Variants in GLTP observed in about 807,000 individuals in gnomAD.
GLTP encodes glycolipid transfer protein.
GLTP carries 22 observed loss-of-function variants against 24.0 expected under a neutral mutation model. The observed-to-expected ratio is 0.92, with a 90% CI of 0.65 to 1.31. GLTP has a LOEUF of 1.31. Ranked by LOEUF, GLTP falls within the 50% of genes most tolerant of loss-of-function variation. The pLI, the probability that GLTP is intolerant of heterozygous loss-of-function variation, is 0.00. For missense variants in GLTP, 224 were observed against 276.6 expected (o/e 0.81, Z 1.35); for synonymous variants, 92 against 115.9 (o/e 0.79, Z 1.33).
At chr12:109,872,412 C>A (rs556279323) in intron 1 of GLTP, among the ~76,000 whole-genome samples, 1 of 152,314 alleles carries the variant, frequency 6.6e-6, no homozygotes, top group East Asian at 1.9e-4. Context: ...TTTCCTTCCA[C>A]TCATCTGTCC....
At position 109,867,294 on chromosome 12, in the gene GLTP, G is replaced by A. The variant is rs1458429022; in HGVS notation, c.104-8553C>T. On this transcript the variant is annotated intron_variant, in intron 1 of 4. Coordinates refer to ENST00000318348, the MANE Select transcript of GLTP (RefSeq NM_016433.4). ...CTCCCGAGTAGCTGGGACTACAGGC[G>A]CACGCCACCATGCCAGGCCAATTTT... Among the ~76,000 whole-genome samples the A allele has an allele frequency of 4.6e-5, 7 of 151,826 alleles. No homozygotes were observed. The East Asian group carries it at 1.2e-3, about 25-fold the overall frequency.
In GLTP at chr12:109,855,806, G is replaced by T; in HGVS notation, c.297-37C>A. The T allele has an allele frequency of 6.6e-7, 1 of 1,514,020 alleles. No homozygotes were observed. The highest frequency in any genetic ancestry group is 8.9e-7 in the Non-Finnish European group (1 of 1,129,022). The allele number at this position is 1,514,020 out of a possible 1,614,324, so 93.8% of individuals were successfully genotyped here. On this transcript the variant is annotated intron_variant, in intron 3 of 4. Coordinates refer to ENST00000318348, the MANE Select transcript of GLTP (RefSeq NM_016433.4). The surrounding 1 kb of genome is among the most constrained non-coding windows in gnomAD (Gnocchi z 4.1). ...GGAGGAGAAGGTTCGTTAGGACCCT[G>T]CACAGCCCTGTCGTGAAAGACCCTG...
rs1332541557 is a variant in GLTP at position 109,858,736 on chromosome 12, G to A, written c.109C>T (p.Leu37Phe). The A allele has an allele frequency of 6.2e-7, 1 of 1,606,990 alleles. No homozygotes were observed. The highest frequency in any genetic ancestry group is 1.7e-5 in the Admixed American group (1 of 60,014). ...VSHLPPFFDCLGSPVFTPIKA... is the reference protein window; with the variant it reads ...VSHLPPFFDCFGSPVFTPIKA... The stretch of plus-strand genomic sequence containing the variant: ...ATGGGAGTAAACACTGGGGACCCAA[G>A]GCAATCTGGGGACAAAATGAGAAGA... The change falls in exon 2 of 5, where the codon CTT becomes TTT. Residue 37 changes from leucine (L) to phenylalanine (F), a missense_variant. Coordinates refer to ENST00000318348, the MANE Select transcript of GLTP (RefSeq NM_016433.4).
intron 1 of GLTP, chr12:109,859,813 AT>A (rs1477990403): frequency 6.5e-6 from 1 of 154,204 alleles, no homozygotes; most frequent in African/African-American, 2.4e-5. Context: ...TAACTACTTT[AT>A]TTTCATGATG....
chr12:109,855,158 C>T lies in GLTP; in HGVS notation c.447+461G>A, dbSNP rs1187476917. On this transcript the variant is annotated intron_variant, in intron 4 of 4. Transcript: ENST00000318348. This position sits in a 1 kb window ranked among gnomAD's most constrained non-coding sequence, Gnocchi z 4.1. ...TGCTGAAGCCTCACCTCCAGGAGCC[C>T]TGGCCAATGTCACCCCAACACAAGC... Among the ~76,000 whole-genome samples, 3 of 152,330 alleles carry T rather than the reference C, an allele frequency of 2.0e-5. No homozygotes were observed. Among genetic ancestry groups the T allele is most frequent in the East Asian group, 1.9e-4 (1 of 5,186 alleles).
At chr12:109,864,306 A>G (rs1868453771) in intron 1 of GLTP, among the ~76,000 whole-genome samples, 1 of 152,204 alleles carries the variant, frequency 6.6e-6, no homozygotes, top group African/African-American at 2.4e-5. Context: ...AGCACGCTGA[A>G]GTGGGTTTGG....
At chr12:109,876,604 A>C (rs1868889285) in intron 1 of GLTP, among the ~76,000 whole-genome samples, 2 of 139,896 alleles carry the variant, frequency 1.4e-5, no homozygotes, top group Admixed American at 7.1e-5. Context: ...GAGGAAGGGA[A>C]GAAGGGAGGA....
chr12:109,867,954 T>C (rs1318778552), intron 1 of GLTP, among the ~76,000 whole-genome samples: 4 of 147,068 alleles, frequency 2.7e-5, no homozygotes, highest in Non-Finnish European at 4.5e-5. Context: ...ATTTTTTGTA[T>C]TTTTAGTAGA....
rs955706897 is a variant in GLTP at position 109,851,848 on chromosome 12, CTCTT to C, written c.*703_*706del. On this transcript the variant is annotated 3_prime_UTR_variant, in exon 5 of 5. Transcript: ENST00000318348. ...CCCTGACCTCAAGTAATCCACCCAC[CTCTT>C]TTTTTTTTTTTTGAGACAGAGTTTC... 5.6e-5 allele frequency: 5 copies of C among 89,456 alleles called. No homozygotes were observed. Among genetic ancestry groups the C allele is most frequent in the African/African-American group, 2.8e-4 (4 of 14,378 alleles). 5.5% of individuals were successfully genotyped at this position (89,456 alleles called of 1,614,324 possible).
At chr12:109,879,958 G>GATGGA (rs1208706045) in intron 1 of GLTP, among the ~76,000 whole-genome samples, 1 of 151,962 alleles carries the variant, frequency 6.6e-6, no homozygotes, top group African/African-American at 2.4e-5. Context: ...GCCTAAGGGA[G>GATGGA]ATGGAAGATC....
At chr12:109,876,198 C>T (rs890867108) in intron 1 of GLTP, among the ~76,000 whole-genome samples, 2 of 152,074 alleles carry the variant, frequency 1.3e-5, no homozygotes, top group Non-Finnish European at 2.9e-5. Context: ...CAGAAATTAG[C>T]TGGGCATAGA....
chr12:109,875,923 C>T (rs1242924033), intron 1 of GLTP, among the ~76,000 whole-genome samples: 1 of 152,186 alleles, frequency 6.6e-6, no homozygotes, highest in Non-Finnish European at 1.5e-5. Flanking sequence ...GAGAAATAAC[C>T]AAAGGAGTGC....
At chr12:109,863,638 G>A (rs1868431206) in intron 1 of GLTP, among the ~76,000 whole-genome samples, 1 of 152,228 alleles carries the variant, frequency 6.6e-6, no homozygotes, top group Non-Finnish European at 1.5e-5. Flanking sequence ...AGATGACAGA[G>A]GATATGTGAA....
intron 1 of GLTP, among the ~76,000 whole-genome samples, chr12:109,868,427 C>T (rs1019971639): frequency 6.6e-6 from 1 of 152,202 alleles, no homozygotes; most frequent in African/African-American, 2.4e-5. Context: ...ATGCCTGCCT[C>T]TTCAAACAGC....
chr12:109,872,652 G>C (rs148269956), intron 1 of GLTP, among the ~76,000 whole-genome samples: 1 of 152,196 alleles, frequency 6.6e-6, no homozygotes, highest in Non-Finnish European at 1.5e-5. Context: ...GGCTAAAAAA[G>C]CCTCACTTAC....
chr12:109,859,791 C>T (rs962645894), intron 1 of GLTP: 2 of 155,360 alleles, frequency 1.3e-5, no homozygotes, highest in African/African-American at 4.8e-5. Flanking sequence ...AATTTTGTAG[C>T]TTCATCAATA....
At position 109,857,478 on chromosome 12, in the gene GLTP, C is replaced by T. The variant is rs969055912; in HGVS notation, c.296+48G>A. ...TGCGGAACAGTGACAGGTTTGCTTT[C>T]CCTCCTCTGCAGCACAGAGCCCAGG... On this transcript the variant is annotated intron_variant, in intron 3 of 4. Transcript: ENST00000318348. The surrounding 1 kb of genome is among the most constrained non-coding windows in gnomAD (Gnocchi z 4.3). 4.4e-6 allele frequency: 7 copies of T among 1,602,246 alleles called. No homozygotes were observed. The highest frequency in any genetic ancestry group is 2.7e-5 in the African/African-American group (2 of 74,496).
intron 1 of GLTP, among the ~76,000 whole-genome samples, chr12:109,862,241 G>A (rs1160493174): frequency 2.0e-5 from 3 of 152,102 alleles, no homozygotes; most frequent in Non-Finnish European, 2.9e-5. Flanking sequence ...ATGGGGTGAC[G>A]ACTCCATGCC....
chr12:109,868,993 T>C (rs1868629879), intron 1 of GLTP, among the ~76,000 whole-genome samples: 1 of 152,102 alleles, frequency 6.6e-6, no homozygotes, highest in Non-Finnish European at 1.5e-5. Flanking sequence ...CAATTCAAAA[T>C]ACTTCTTTAA....
Sources: allele counts gnomAD v4.1 joint callset (sites outside exome capture counted in the v4.1 genomes callset), GRCh38; gene constraint gnomAD v4.1.1; non-coding constraint Gnocchi (gnomAD v3.1); transcripts MANE v1.5; gene names NCBI Gene and HGNC (gene_info 2026-07-23, HGNC 2026-07-21).